Variants in HERC1 observed in about 807,000 individuals in gnomAD.
HERC1 encodes HECT and RLD domain containing E3 ubiquitin protein ligase family member 1.
A neutral mutation model predicts 554.3 loss-of-function variants in HERC1; 160 were observed. That is an observed-to-expected ratio of 0.29 (90% confidence interval 0.25 to 0.33). The LOEUF is 0.33. Among genes scored for constraint, HERC1 ranks in the 10% least tolerant of loss-of-function variants. The pLI is 1.00. For missense variants in HERC1, 4,919 were observed against 5,918.5 expected, an observed-to-expected ratio of 0.83 and a Z score of 5.54; for synonymous variants, 2,175 against 2,131.7, an observed-to-expected ratio of 1.02 and a Z score of -0.56.
In HERC1 at chr15:63,729,506, GTTA is replaced by G; in HGVS notation, c.3009_3011del (p.Asn1004del). The G allele has an allele frequency of 6.2e-7, 1 of 1,613,594 alleles. No homozygotes were observed. The highest frequency in any genetic ancestry group is 1.7e-5 in the Admixed American group (1 of 60,014). On this transcript the variant is annotated inframe_deletion, in exon 15 of 78. Transcript: ENST00000443617. ...ACAAATAATCGCATACCTCACTAAT[GTTA>G]TTGATATGGCAAAATGCCAGCAGCT...
chr15:63,677,195 T>G lies in HERC1; in HGVS notation c.7070+650A>C, dbSNP rs896106166. On this transcript the variant is annotated intron_variant, in intron 37 of 77. Coordinates refer to ENST00000443617, the MANE Select transcript of HERC1 (RefSeq NM_003922.4). This position sits in a 1 kb window ranked among gnomAD's most constrained non-coding sequence, Gnocchi z 4.4. ...GCACTTTGGATTTTGGATTTTTGGA[T>G]TTGGGATGCTCAACCTGCATTTCCT... Among the ~76,000 whole-genome samples, 3 of 152,178 alleles carry G rather than the reference T, an allele frequency of 2.0e-5. No individual in the cohort carries two copies. The highest frequency in any genetic ancestry group is 4.4e-5 in the Non-Finnish European group (3 of 68,018).
At chr15:63,693,171 C>T (rs1406401530) in intron 30 of HERC1, among the ~76,000 whole-genome samples, 1 of 151,272 alleles carries the variant, frequency 6.6e-6, no homozygotes, top group African/African-American at 2.4e-5. Context: ...GGGTGAGACT[C>T]TGTCTCAACA....
intron 26 of HERC1, among the ~76,000 whole-genome samples, chr15:63,697,976 T>C (rs539275458): frequency 6.6e-6 from 1 of 152,312 alleles, no homozygotes; most frequent in South Asian, 2.1e-4. Context: ...GAAGATACTT[T>C]AAGGCTATGC....
chr15:63,675,154 G>A (rs755508673), intron 37 of HERC1, 37 bp from the exon 38 acceptor site: 6 of 1,521,126 alleles, frequency 3.9e-6, no homozygotes, highest in Non-Finnish European at 5.3e-6. Context: ...GAAGAAGCAA[G>A]TGAGGGAAAG....
At chr15:63,830,835 G>A (rs1327829464) in intron 1 of HERC1, among the ~76,000 whole-genome samples, 2 of 152,140 alleles carry the variant, frequency 1.3e-5, no homozygotes, top group African/African-American at 4.8e-5. Context: ...TTAATTTAGA[G>A]AGCCCGGTAG....
intron 41 of HERC1, 85 bp from the exon 42 acceptor site, chr15:63,666,235 T>C: frequency 7.2e-7 from 1 of 1,385,614 alleles, no homozygotes; most frequent in South Asian, 1.3e-5. Context: ...ATGATGCTCT[T>C]GTAACAAAAT....
At position 63,665,988 on chromosome 15, in the gene HERC1, C is replaced by G; in HGVS notation, c.8486G>C (p.Cys2829Ser). 1 of 1,614,024 alleles carries G rather than the reference C, an allele frequency of 6.2e-7. No individual in the cohort carries two copies. The highest frequency in any genetic ancestry group is 1.3e-5 in the African/African-American group (1 of 75,064). The change falls in exon 42 of 78, where the codon TGT (cysteine) becomes TCT (serine). Residue 2829 changes from cysteine (C) to serine (S), a missense_variant. Coordinates refer to ENST00000443617, the MANE Select transcript of HERC1 (RefSeq NM_003922.4). ...TATGTCTCCAGGTGACTGCAAATAA[C>G]AGGGATCATTTGACTTCCCGCCACT... ...LGSGGKSNDPCYLQSPGDIPS... is the reference protein window; with the variant it reads ...LGSGGKSNDPSYLQSPGDIPS...
intron 1 of HERC1, among the ~76,000 whole-genome samples, chr15:63,786,101 A>G (rs1244803033): frequency 6.6e-6 from 1 of 152,164 alleles, no homozygotes; most frequent in Non-Finnish European, 1.5e-5. Flanking sequence ...ATTATAAATA[A>G]GAATGGAAAG....
Position 63,672,631 on chromosome 15 carries a change from CTAG to C in HERC1, c.7907_7909del (p.Thr2636del), listed in dbSNP as rs1234906899. ...GGAGGTCGTGCTTGAGGCTGATGGGCTAGTAGTAACTGGTGTCTGTGCCTGCTG... is the reference window on the plus strand; with the variant it reads ...GGAGGTCGTGCTTGAGGCTGATGGGCTAGTAACTGGTGTCTGTGCCTGCTG... On this transcript the variant is annotated inframe_deletion, in exon 39 of 78. Coordinates refer to ENST00000443617, the MANE Select transcript of HERC1 (RefSeq NM_003922.4). 6.2e-7 allele frequency: 1 copy of C among 1,612,940 alleles called. No individual in the cohort carries two copies. The highest frequency in any genetic ancestry group is 1.3e-5 in the African/African-American group (1 of 75,026).
intron 2 of HERC1, 38 bp downstream of exon 2, chr15:63,774,656 C>T: frequency 6.8e-7 from 1 of 1,466,748 alleles, no homozygotes; most frequent in Non-Finnish European, 9.2e-7. Context: ...TTTCCAAAAA[C>T]TATTATGAAC....
chr15:63,749,385 G>C lies in HERC1; in HGVS notation c.2201C>G (p.Thr734Ser). 1.9e-6 allele frequency: 3 copies of C among 1,612,356 alleles called. No individual in the cohort carries two copies. Among genetic ancestry groups the C allele is most frequent in the Non-Finnish European group, 2.5e-6 (3 of 1,179,260 alleles). Residue 734 changes from threonine (T) to serine (S), a missense_variant, in exon 10 of 78, where the codon ACT (threonine) becomes AGT (serine). By Grantham distance (58) the Thr-to-Ser change is moderately conservative. Around this residue, in one of 11 missense-constraint regions of HERC1, gnomAD observed 744 missense variants for 1,090.0 expected, o/e 0.68. Coordinates refer to ENST00000443617, the MANE Select transcript of HERC1 (RefSeq NM_003922.4). This position sits in a 1 kb window ranked among gnomAD's most constrained non-coding sequence, Gnocchi z 4.1. ...SAGTSHSLAW[T>S]ALPRDRQVVA... ...CTCTTACCTGTCCCTAGGAAGAGCA[G>C]TCCATGCCAGACTATGTGATGTTCC...
At chr15:63,824,068 A>G (rs2145844077) in intron 1 of HERC1, among the ~76,000 whole-genome samples, 1 of 152,344 alleles carries the variant, frequency 6.6e-6, no homozygotes, top group Admixed American at 6.5e-5. Flanking sequence ...AACACAAATC[A>G]AAAAATCAAA....
Position 63,756,784 on chromosome 15 carries a change from GTGA to G in HERC1, c.1222-39_1222-37del. Reference sequence around the variant, plus strand: ...AGAATCATAAATATAAAATACTTCTGTGAGTATCAAAGTATAATATTTAAGGCT... The same window carrying G: ...AGAATCATAAATATAAAATACTTCTGGTATCAAAGTATAATATTTAAGGCT... On this transcript the variant is annotated intron_variant, in intron 4 of 77. Transcript: ENST00000443617. This position sits in a 1 kb window ranked among gnomAD's most constrained non-coding sequence, Gnocchi z 5.0. 7.5e-7 allele frequency: 1 copy of G among 1,336,774 alleles called. No homozygotes were observed. The highest frequency in any genetic ancestry group is 1.0e-6 in the Non-Finnish European group (1 of 985,812). The allele number at this position is 1,336,774 out of a possible 1,614,324, so 82.8% of individuals were successfully genotyped here.
At chr15:63,681,978 C>G (rs1660773586) in intron 34 of HERC1, among the ~76,000 whole-genome samples, 1 of 152,178 alleles carries the variant, frequency 6.6e-6, no homozygotes, top group Admixed American at 6.5e-5. Flanking sequence ...CGTGTGGAGT[C>G]TGACGAGTCC....
chr15:63,720,850 G>T (rs1429027424), intron 19 of HERC1, among the ~76,000 whole-genome samples: 1 of 152,094 alleles, frequency 6.6e-6, no homozygotes, highest in Non-Finnish European at 1.5e-5. Context: ...AAATTTAGCA[G>T]GTATTACTCT....
At chr15:63,755,842 T>G (rs896639787) in intron 5 of HERC1, among the ~76,000 whole-genome samples, 2 of 152,046 alleles carry the variant, frequency 1.3e-5, no homozygotes, top group African/African-American at 4.8e-5. Flanking sequence ...AGAGAAGATA[T>G]GAGCTCAGTT....
rs770959096 is a variant in HERC1 at position 63,829,489 on chromosome 15, TATATATATATAC to T, written c.-27+4326_-27+4337del. Among the ~76,000 whole-genome samples the T allele has an allele frequency of 1.7e-3, 175 of 104,204 alleles. 4 individuals are homozygous for T. The highest frequency in any genetic ancestry group is 1.5e-3 in the African/African-American group (42 of 27,934). The allele number at this position is 104,204 out of a possible 152,430, so 68.4% of individuals were successfully genotyped here. On this transcript the variant is annotated intron_variant, in intron 1 of 77. Coordinates refer to ENST00000443617, the MANE Select transcript of HERC1 (RefSeq NM_003922.4). ...ATATATGTTTATATAAATATATATA[TATATATATATAC>T]ACACACACACATATATAAATAATAT...
intron 33 of HERC1, among the ~76,000 whole-genome samples, chr15:63,688,209 A>C (rs1422490636): frequency 6.6e-6 from 1 of 152,206 alleles, no homozygotes; most frequent in East Asian, 1.9e-4. Flanking sequence ...AGGCAAATTC[A>C]AGTCACATTT....
Position 63,661,999 on chromosome 15 carries a change from C to T in HERC1, c.8924G>A (p.Arg2975Lys). 1 of 1,613,458 alleles carries T rather than the reference C, an allele frequency of 6.2e-7. No homozygotes were observed. Among genetic ancestry groups the T allele is most frequent in the Non-Finnish European group, 8.5e-7 (1 of 1,179,430 alleles). The change falls in exon 45 of 78, where the codon AGG becomes AAG. Residue 2975 changes from arginine to lysine, a missense_variant. Arg to Lys is a conservative substitution (Grantham distance 26). Transcript: ENST00000443617. ...CAGTTCACACACCACCACTTCTTCCCTGTCTTCAGACTCACAAACATGCTG... is the reference window on the plus strand; with the variant it reads ...CAGTTCACACACCACCACTTCTTCCTTGTCTTCAGACTCACAAACATGCTG... ...PTWHVCESED[R>K]EEVVVCELCE...
Sources: allele counts gnomAD v4.1 joint callset (sites outside exome capture counted in the v4.1 genomes callset), GRCh38; gene constraint gnomAD v4.1.1; regional missense constraint gnomAD v4.1.1; non-coding constraint Gnocchi (gnomAD v3.1); transcripts MANE v1.5; gene names NCBI Gene and HGNC (gene_info 2026-07-23, HGNC 2026-07-21).